Variants in KCTD14 observed in about 807,000 individuals in gnomAD.
KCTD14 encodes potassium channel tetramerization domain containing 14.
In KCTD14, 7 loss-of-function variants were observed where a neutral mutation model predicts 5.9. The ratio of observed to expected loss-of-function variants is 1.19; its 90% CI spans 0.68 to 2.23. The LOEUF is 2.23. Ranked by LOEUF, KCTD14 falls within the 30% of genes most tolerant of loss-of-function variation. KCTD14 has a pLI of 0.00. For synonymous variants in KCTD14, 140 were observed against 133.1 expected (o/e 1.05, Z -0.36); for missense variants, 342 against 332.2 (o/e 1.03, Z -0.23).
upstream of KCTD14, among the ~76,000 whole-genome samples, chr11:78,026,972 G>A (rs7935576): frequency 0.39 from 59,646 of 151,510 alleles, 11,976 homozygotes; most frequent in Admixed American, 0.48. Flanking sequence ...GGTGGCATGC[G>A]CCTGTAGTCC....
At chr11:78,018,176 T>C (rs776389407) in intron 1 of KCTD14, among the ~76,000 whole-genome samples, 17 of 152,128 alleles carry the variant, frequency 1.1e-4, no homozygotes, top group Non-Finnish European at 1.8e-4. Flanking sequence ...GTCTCAGCAA[T>C]GATACTTCCA....
chr11:78,022,700 C>A (rs1406562842), intron 1 of KCTD14, among the ~76,000 whole-genome samples: 2 of 151,974 alleles, frequency 1.3e-5, no homozygotes, highest in East Asian at 3.9e-4. Flanking sequence ...AGGGCAGGGG[C>A]AGGCTGAAGA....
At chr11:78,022,151 G>A (rs1489965187) in intron 1 of KCTD14, among the ~76,000 whole-genome samples, 3 of 152,158 alleles carry the variant, frequency 2.0e-5, no homozygotes, top group Non-Finnish European at 4.4e-5. Context: ...TTTCATGCCT[G>A]TAATCCCAGC....
Position 78,016,878 on chromosome 11 carries a change from T to C in KCTD14, c.483A>G (p.Ile161Met). 1 of 1,614,108 alleles carries C rather than the reference T, an allele frequency of 6.2e-7. No individual in the cohort carries two copies. Among genetic ancestry groups the C allele is most frequent in the Non-Finnish European group, 8.5e-7 (1 of 1,179,946 alleles). Reference protein sequence around the residue: ...LMVRLARAEAITARKSSVLVC... With the variant: ...LMVRLARAEAMTARKSSVLVC... Reference sequence around the variant, plus strand: ...CAAGCACGCTGGACTTCCGTGCTGTTATGGCTTCTGCACGTGCCAGGCGCA... The same window carrying C: ...CAAGCACGCTGGACTTCCGTGCTGTCATGGCTTCTGCACGTGCCAGGCGCA... Residue 161 changes from isoleucine (I) to methionine (M), a missense_variant, in exon 2 of 2, where the codon ATA becomes ATG. Physicochemically the swap from Ile to Met is conservative, Grantham distance 10 (BLOSUM62 1). Coordinates refer to ENST00000353172, the MANE Select transcript of KCTD14 (RefSeq NM_023930.4).
chr11:78,044,870 G>A lies in KCTD14; in HGVS notation c.-96+1191C>T, dbSNP rs148937789. Among the ~76,000 whole-genome samples, 1,338 of 152,274 alleles carry A rather than the reference G, an allele frequency of 8.8e-3. 22 individuals are homozygous for A. Among genetic ancestry groups the A allele is most frequent in the African/African-American group, 0.031 (1,284 of 41,550 alleles). ...AGCTTTACACCTTGGCATGCTTCCG[G>A]GGTTTTGCGCCTCCCCTCCCTTGAT... On this transcript the variant is annotated intron_variant, in intron 1 of 2. Coordinates refer to the KCTD14 transcript ENST00000533144.
At chr11:78,037,636 T>C (rs1857849030) in intron 2 of KCTD14, among the ~76,000 whole-genome samples, 1 of 152,020 alleles carries the variant, frequency 6.6e-6, no homozygotes, top group South Asian at 2.1e-4. Context: ...CTGGCCAAAA[T>C]GGTGAAACCC....
chr11:78,021,172 G>A (rs1247908094), intron 1 of KCTD14, among the ~76,000 whole-genome samples: 2 of 151,584 alleles, frequency 1.3e-5, no homozygotes, highest in African/African-American at 4.8e-5. Flanking sequence ...GGCCCTGGTG[G>A]TGCATGCCTG....
At position 78,016,829 on chromosome 11, in the gene KCTD14, G is replaced by C. The variant is rs1367816350; in HGVS notation, c.532C>G (p.Gln178Glu). Residue 178 changes from glutamine to glutamate, a missense_variant, in exon 2 of 2, where the codon CAG (glutamine) becomes GAG (glutamate). Physicochemically the swap from Gln to Glu is conservative, Grantham distance 29 (BLOSUM62 2). Coordinates refer to ENST00000353172, the MANE Select transcript of KCTD14 (RefSeq NM_023930.4). ...AGGACCTCTGAATAATATGCATCCTGCTCCTCAGTTTCCACCAGGCACACA... is the reference window on the plus strand; with the variant it reads ...AGGACCTCTGAATAATATGCATCCTCCTCCTCAGTTTCCACCAGGCACACA... ...VLVCLVETEE[Q>E]DAYYSEVLCF... 9.9e-6 allele frequency: 16 copies of C among 1,614,064 alleles called. No homozygotes were observed. The highest frequency in any genetic ancestry group is 1.4e-5 in the Non-Finnish European group (16 of 1,180,008).
intron 1 of KCTD14, among the ~76,000 whole-genome samples, chr11:78,021,279 C>CA (rs1455562865): frequency 8.5e-6 from 1 of 117,094 alleles, no homozygotes. Context: ...GCCTAGGTGA[C>CA]AGAGGGAGAC....
intron 1 of KCTD14, among the ~76,000 whole-genome samples, chr11:78,017,834 C>A (rs544045754): frequency 6.6e-6 from 1 of 152,218 alleles, no homozygotes; most frequent in Admixed American, 6.5e-5. Flanking sequence ...CGGTGGCTCA[C>A]GCCTGTAATC....
intron 2 of KCTD14, among the ~76,000 whole-genome samples, chr11:78,032,240 A>G (rs1426352368): frequency 6.6e-6 from 1 of 152,220 alleles, no homozygotes; most frequent in Non-Finnish European, 1.5e-5. Flanking sequence ...TGGAGGGAGC[A>G]GGCAGCCAGA....
chr11:78,017,343 A>G (rs1857196531), intron 1 of KCTD14, 73 bp from the exon 2 acceptor site: 1 of 1,488,588 alleles, frequency 6.7e-7, no homozygotes, highest in Admixed American at 2.4e-5. Flanking sequence ...TATCCAAAGG[A>G]TAACTGGATA....
chr11:78,043,564 C>G (rs1337660002), intron 1 of KCTD14, among the ~76,000 whole-genome samples: 1 of 152,174 alleles, frequency 6.6e-6, no homozygotes, highest in Admixed American at 6.5e-5. Flanking sequence ...CCAACAGAAT[C>G]CTTCGTGACA....
At position 78,016,867 on chromosome 11, in the gene KCTD14, T is replaced by C. The variant is rs187067345; in HGVS notation, c.494A>G (p.Lys165Arg). 43 of 1,614,224 alleles carry C rather than the reference T, an allele frequency of 2.7e-5. No individual in the cohort carries two copies. The Admixed American group carries it at 4.7e-4, about 18-fold the overall frequency. Residue 165 changes from lysine to arginine, a missense_variant, in exon 2 of 2, where the codon AAG (lysine) becomes AGG (arginine). Lys to Arg is a conservative substitution (Grantham distance 26). Transcript: ENST00000353172. The stretch of plus-strand genomic sequence containing the variant: ...CACCAGGCACACAAGCACGCTGGAC[T>C]TCCGTGCTGTTATGGCTTCTGCACG... ...LARAEAITAR[K>R]SSVLVCLVET...
At chr11:78,039,081 A>AC (rs1371623690) in intron 1 of KCTD14, among the ~76,000 whole-genome samples, 1 of 151,864 alleles carries the variant, frequency 6.6e-6, no homozygotes, top group East Asian at 1.9e-4. Flanking sequence ...AAAAAAAAAA[A>AC]AAAACACAAA....
At chr11:78,026,166 G>A (rs1857457529), upstream of KCTD14, among the ~76,000 whole-genome samples, 2 of 152,164 alleles carry the variant, frequency 1.3e-5, no homozygotes, top group Non-Finnish European at 2.9e-5. Flanking sequence ...GCCACGCATG[G>A]TGACTCACGC....
intron 2 of KCTD14, among the ~76,000 whole-genome samples, chr11:78,037,991 CAA>C (rs3083632): frequency 0.39 from 53,846 of 136,410 alleles, 10,351 homozygotes; most frequent in South Asian, 0.43. Flanking sequence ...AAAAGTTGAC[CAA>C]AAAAAAAAAA....
Position 78,029,121 on chromosome 11 carries a change from G to C in KCTD14, c.-1+9543C>G, listed in dbSNP as rs533266399. Among the ~76,000 whole-genome samples, 11 of 151,006 alleles carry C rather than the reference G, an allele frequency of 7.3e-5. No individual in the cohort carries two copies. In the East Asian group the frequency reaches 1.9e-3, roughly 27 times the overall value. On this transcript the variant is annotated intron_variant, in intron 2 of 2. Transcript: ENST00000533144. Reference sequence around the variant, plus strand: ...AATCGCTTGAACCCGGGAGGCGGAGGTTGCAGTGAGCCAAGACCATGCCAC... The same window carrying C: ...AATCGCTTGAACCCGGGAGGCGGAGCTTGCAGTGAGCCAAGACCATGCCAC...
chr11:78,033,555 A>T (rs1384999668), intron 2 of KCTD14, among the ~76,000 whole-genome samples: 1 of 151,922 alleles, frequency 6.6e-6, no homozygotes, highest in Admixed American at 6.6e-5. Flanking sequence ...GGTGGCAGGC[A>T]CCTGTAGTCC....
Sources: gnomAD v4.1 joint callset for allele counts (sites outside exome capture counted in the v4.1 genomes callset) on GRCh38, gnomAD v4.1.1 for gene constraint, MANE v1.5 for transcripts, NCBI Gene and HGNC (gene_info 2026-07-23, HGNC 2026-07-21) for gene names.